The following CCDC102A variants were observed in gnomAD, a reference collection of about 807,000 sequenced individuals.
The protein encoded by CCDC102A is coiled-coil domain-containing protein 102A.
In CCDC102A, 40 loss-of-function variants were observed where a neutral mutation model predicts 55.5. The observed-to-expected ratio is 0.72, with a 90% CI of 0.56 to 0.94. The LOEUF is 0.94. Ranked by LOEUF, CCDC102A falls within the 40% of genes least tolerant of loss-of-function variation. CCDC102A has a pLI of 0.00. For synonymous variants in CCDC102A, 323 were observed against 339.0 expected (o/e 0.95, Z 0.52); for missense variants, 779 against 768.6 (o/e 1.01, Z -0.16).
intron 1 of CCDC102A, among the ~76,000 whole-genome samples, chr16:57,530,605 C>T (rs2032238313): frequency 6.6e-6 from 1 of 152,082 alleles, no homozygotes; most frequent in Admixed American, 6.5e-5. Context: ...TCATGATTTG[C>T]AGTGAAAAAG....
intron 2 of CCDC102A, among the ~76,000 whole-genome samples, chr16:57,527,418 CTTT>C (rs779320962): frequency 1.1e-5 from 1 of 87,500 alleles, no homozygotes; most frequent in Admixed American, 9.4e-5. Flanking sequence ...ATTGCTGCTG[CTTT>C]TTTTTTTTTT....
At chr16:57,536,354 G>C (rs976670875) in intron 1 of CCDC102A, 146 bp downstream of exon 1, 2 of 152,282 alleles carry the variant, frequency 1.3e-5, no homozygotes, top group African/African-American at 4.8e-5. Context: ...TCTGAGTTCG[G>C]GGGTTGCCGC....
At chr16:57,524,721 T>C (rs1177565648) in intron 3 of CCDC102A, among the ~76,000 whole-genome samples, 14 of 151,902 alleles carry the variant, frequency 9.2e-5, no homozygotes, top group African/African-American at 3.2e-4. Flanking sequence ...ATTGATTTTT[T>C]AAAAAGGAGT....
intron 8 of CCDC102A, among the ~76,000 whole-genome samples, chr16:57,514,607 A>C (rs905820322): frequency 6.6e-6 from 1 of 152,210 alleles, no homozygotes; most frequent in Non-Finnish European, 1.5e-5. Context: ...AGAGAGGTTA[A>C]ATAAATGTCC....
intron 2 of CCDC102A, among the ~76,000 whole-genome samples, chr16:57,527,839 G>A (rs137874578): frequency 1.3e-5 from 2 of 152,382 alleles, no homozygotes; most frequent in African/African-American, 4.8e-5. Context: ...TGGGCGCCCA[G>A]TGAATGACGG....
chr16:57,533,480 T>TCG (rs1555520263), intron 1 of CCDC102A, among the ~76,000 whole-genome samples: 2 of 144,736 alleles, frequency 1.4e-5, no homozygotes, highest in Non-Finnish European at 3.0e-5. Context: ...ATGCACACAT[T>TCG]CACACACACA....
intron 8 of CCDC102A, among the ~76,000 whole-genome samples, chr16:57,513,810 G>T (rs1374990783): frequency 6.6e-6 from 1 of 152,234 alleles, no homozygotes; most frequent in Non-Finnish European, 1.5e-5. Flanking sequence ...CGTCATCCCA[G>T]GCAGATGGGG....
At chr16:57,530,942 C>T (rs1409076949) in intron 1 of CCDC102A, among the ~76,000 whole-genome samples, 2 of 151,954 alleles carry the variant, frequency 1.3e-5, no homozygotes, top group African/African-American at 4.8e-5. Flanking sequence ...GCACCTGCTT[C>T]CCTGCCTCAC....
At chr16:57,521,281 T>C in intron 3 of CCDC102A, 105 bp from the exon 4 acceptor site, 1 of 829,434 alleles carries the variant, frequency 1.2e-6, no homozygotes, top group African/African-American at 1.7e-5. Flanking sequence ...TGAGCCCAAG[T>C]CCAAAATCCT....
intron 3 of CCDC102A, among the ~76,000 whole-genome samples, chr16:57,522,492 G>A (rs549619290): frequency 7.9e-5 from 12 of 152,162 alleles, no homozygotes; most frequent in Non-Finnish European, 1.6e-4. Flanking sequence ...GGACTCAAGC[G>A]ATCCTGCCAC....
intron 3 of CCDC102A, among the ~76,000 whole-genome samples, chr16:57,522,166 T>C (rs945190851): frequency 5.9e-5 from 9 of 152,208 alleles, no homozygotes; most frequent in African/African-American, 2.2e-4. Context: ...CAGAAAGTAA[T>C]TTTTATACTA....
chr16:57,533,810 G>C (rs1157290840), intron 1 of CCDC102A, among the ~76,000 whole-genome samples: 1 of 152,200 alleles, frequency 6.6e-6, no homozygotes, highest in African/African-American at 2.4e-5. Flanking sequence ...CAGCAGCGCA[G>C]AGCATGGCTT....
intron 2 of CCDC102A, 76 bp downstream of exon 2, chr16:57,528,517 T>G (rs1266633627): frequency 9.6e-7 from 1 of 1,041,450 alleles, no homozygotes; most frequent in Non-Finnish European, 1.2e-6. Context: ...AGCTTGTTTC[T>G]GAGCCCAGCA....
intron 3 of CCDC102A, among the ~76,000 whole-genome samples, chr16:57,522,744 C>T (rs1379283881): frequency 6.6e-6 from 1 of 152,222 alleles, no homozygotes; most frequent in African/African-American, 2.4e-5. Context: ...ACTCGGAGCA[C>T]ATGCTATGTC....
rs541676307 is a variant in CCDC102A, at chr16:57,513,007, T to C, written c.1524-137A>G. The C allele has an allele frequency of 4.1e-5, 27 of 656,448 alleles. 1 individual carries two copies. In the South Asian group the frequency reaches 5.3e-4, roughly 13 times the overall value. The allele number at this position is 656,448 out of a possible 1,614,324, so 40.7% of individuals were successfully genotyped here. A position where few individuals can be genotyped will look rare whatever the true frequency, so the allele number is the denominator to read the frequency against. On this transcript the variant is annotated intron_variant, in intron 8 of 8. Transcript: ENST00000258214. The stretch of plus-strand genomic sequence containing the variant: ...TCTCATCTCCTGTAATCTCCTTATA[T>C]GATAGAAGTGCCATTATCACCCCCA...
At chr16:57,535,899 C>A (rs1324370886) in intron 1 of CCDC102A, among the ~76,000 whole-genome samples, 4 of 152,136 alleles carry the variant, frequency 2.6e-5, no homozygotes, top group Non-Finnish European at 5.9e-5. Context: ...GTGGACACCA[C>A]CCCCACCTAA....
In CCDC102A at chr16:57,518,187, T is replaced by C; in HGVS notation, c.1129A>G (p.Lys377Glu). Residue 377 changes from lysine (K) to glutamate (E), a missense_variant, in exon 6 of 9, where the codon AAG (lysine) becomes GAG (glutamate). Physicochemically the swap from Lys to Glu is moderately conservative, Grantham distance 56. Transcript: ENST00000258214. ...AGGTCTCCGACCTGTGCCCGCAGCT[T>C]CTTGTTCTCCCGCTCAAGGCCCAGT... Reference protein sequence around the residue: ...EKLGLERENKKLRAQVGDLEE... With the variant: ...EKLGLERENKELRAQVGDLEE... The C allele has an allele frequency of 6.2e-7, 1 of 1,612,740 alleles. No individual in the cohort carries two copies. Among genetic ancestry groups the C allele is most frequent in the Non-Finnish European group, 8.5e-7 (1 of 1,179,906 alleles).
rs1203091288 is a variant in CCDC102A at position 57,529,356 on chromosome 16, G to A, written c.-147-32C>T. On this transcript the variant is annotated intron_variant, in intron 1 of 8. Coordinates refer to ENST00000258214, the MANE Select transcript of CCDC102A (RefSeq NM_033212.4). This position sits in a 1 kb window ranked among gnomAD's most constrained non-coding sequence, Gnocchi z 4.1. ...GAGAACACAACCGTTATTGGACTGC[G>A]ACCACCGTCAGTCTCGAAGATCAGC... 17 of 828,774 alleles carry A rather than the reference G, an allele frequency of 2.1e-5. No homozygotes were observed. In the East Asian group the frequency reaches 8.4e-4, roughly 41 times the overall value. 51.3% of individuals were successfully genotyped at this position (828,774 alleles called of 1,614,324 possible). A position where few individuals can be genotyped will look rare whatever the true frequency, so the allele number is the denominator to read the frequency against.
chr16:57,529,941 A>C lies in CCDC102A; in HGVS notation c.-147-617T>G, dbSNP rs1426552183. Among the ~76,000 whole-genome samples the C allele has an allele frequency of 1.3e-5, 2 of 152,196 alleles. No individual in the cohort carries two copies. The highest frequency in any genetic ancestry group is 4.8e-5 in the African/African-American group (2 of 41,444). ...ATGATATTTGTGGAGGGCAGGCCAC[A>C]AGCCAGGCACTGTGCCCAGGGCTTT... On this transcript the variant is annotated intron_variant, in intron 1 of 8. Coordinates refer to ENST00000258214, the MANE Select transcript of CCDC102A (RefSeq NM_033212.4). The surrounding 1 kb of genome is among the most constrained non-coding windows in gnomAD (Gnocchi z 4.1).
Sources: gnomAD v4.1 joint callset for allele counts (sites outside exome capture counted in the v4.1 genomes callset) on GRCh38, gnomAD v4.1.1 for gene constraint, Gnocchi (gnomAD v3.1) non-coding constraint, MANE v1.5 for transcripts, NCBI Gene and HGNC (gene_info 2026-07-23, HGNC 2026-07-21) for gene names.